CYLD: variants seen among roughly 807,000 people sequenced by gnomAD.
CYLD encodes CYLD lysine 63 deubiquitinase, also known as ubiquitin carboxyl-terminal hydrolase CYLD.
In CYLD, 26 loss-of-function variants were observed where a neutral mutation model predicts 104.5. That is an observed-to-expected ratio of 0.25 (90% CI 0.18 to 0.35). The LOEUF (loss-of-function observed/expected upper bound fraction) is 0.35, where lower values mean the gene tolerates loss of function less well. Among genes scored for constraint, CYLD ranks in the 10% least tolerant of loss-of-function variants. CYLD has a pLI of 1.00. For synonymous variants in CYLD, 385 were observed against 399.9 expected (o/e 0.96, Z 0.45); for missense variants, 703 against 1,136.1 (o/e 0.62, Z 5.48).
rs74868378 is a variant in CYLD at position 50,776,675 on chromosome 16, C to T, written c.1021+398C>T. Among the ~76,000 whole-genome samples the T allele has an allele frequency of 1.2e-3, 178 of 152,246 alleles. 1 individual carries two copies. The highest frequency in any genetic ancestry group is 4.3e-3 in the African/African-American group (177 of 41,554). ...TAACTAGATTTGGTACAAATTAAAT[C>T]CCAAACTGCTAAGCAAAAATTTCTT... On this transcript the variant is annotated intron_variant, in intron 7 of 18. Transcript: ENST00000427738.
At position 50,801,826 on chromosome 16, in the gene CYLD, C is replaced by G. The variant is rs1972482690; in HGVS notation, c.*5318C>G. The G allele has an allele frequency of 4.3e-6, 1 of 233,232 alleles. No homozygotes were observed. Among genetic ancestry groups the G allele is most frequent in the South Asian group, 1.8e-4 (1 of 5,536 alleles). The allele number at this position is 233,232 out of a possible 1,614,324, so 14.4% of individuals were successfully genotyped here. ...GAATACCCCTTCCTATCAGCTCGCT[C>G]TGATTTAGCCTTAATTTTGTTAAAT... On this transcript the variant is annotated 3_prime_UTR_variant, in exon 19 of 19. Coordinates refer to ENST00000427738, the MANE Select transcript of CYLD (RefSeq NM_001378743.1).
At chr16:50,754,223 A>G (rs774772918) in intron 4 of CYLD, 96 bp from the exon 5 acceptor site, 35 of 804,190 alleles carry the variant, frequency 4.4e-5, no homozygotes, top group Admixed American at 1.2e-4. Context: ...ACATTTACCA[A>G]TGTAAAATAT....
intron 2 of CYLD, among the ~76,000 whole-genome samples, chr16:50,744,062 A>G (rs898055448): frequency 6.6e-6 from 1 of 152,182 alleles, no homozygotes; most frequent in Non-Finnish European, 1.5e-5. Context: ...TCGTGTGGGC[A>G]CTGGATAATA....
In CYLD at chr16:50,800,388, C is replaced by T; in HGVS notation, c.*3880C>T. 4.3e-6 allele frequency: 1 copy of T among 233,288 alleles called. No individual in the cohort carries two copies. Among genetic ancestry groups the T allele is most frequent in the Non-Finnish European group, 8.5e-6 (1 of 117,972 alleles). The allele number at this position is 233,288 out of a possible 1,614,324, so 14.5% of individuals were successfully genotyped here. A position where few individuals can be genotyped will look rare whatever the true frequency, so the allele number is the denominator to read the frequency against. On this transcript the variant is annotated 3_prime_UTR_variant, in exon 19 of 19. Coordinates refer to ENST00000427738, the MANE Select transcript of CYLD (RefSeq NM_001378743.1). ...GGTCATGTAACGTTACTGTATTATT[C>T]TACGTAAATGTGGGTACTTGGATGT...
intron 14 of CYLD, among the ~76,000 whole-genome samples, chr16:50,790,507 T>C (rs1418102576): frequency 1.3e-5 from 2 of 152,206 alleles, no homozygotes; most frequent in Non-Finnish European, 2.9e-5. Context: ...CACAGAAAAA[T>C]TCTGGTCTTT....
chr16:50,772,952 A>G (rs1969307247), intron 5 of CYLD, among the ~76,000 whole-genome samples: 1 of 152,206 alleles, frequency 6.6e-6, no homozygotes, highest in Non-Finnish European at 1.5e-5. Context: ...TTTTTCATAT[A>G]CTATTATGGA....
chr16:50,751,540 G>A (rs888478270), intron 3 of CYLD, 64 bp from the exon 4 acceptor site: 8 of 1,455,686 alleles, frequency 5.5e-6, no homozygotes, highest in Non-Finnish European at 7.7e-6. Flanking sequence ...TCCCTAGAGT[G>A]AACCCCTTTT....
At chr16:50,762,277 C>G (rs1439512521) in intron 5 of CYLD, among the ~76,000 whole-genome samples, 1 of 151,586 alleles carries the variant, frequency 6.6e-6, no homozygotes, top group Non-Finnish European at 1.5e-5. Flanking sequence ...TTTGAATTTT[C>G]CTGTTCTATA....
chr16:50,794,638 T>G lies in CYLD; in HGVS notation c.2686+210T>G. The G allele has an allele frequency of 1.7e-6, 1 of 578,972 alleles. No homozygotes were observed. Among genetic ancestry groups the G allele is most frequent in the South Asian group, 1.9e-5 (1 of 51,306 alleles). 35.9% of individuals were successfully genotyped at this position (578,972 alleles called of 1,614,324 possible). A position where few individuals can be genotyped will look rare whatever the true frequency, so the allele number is the denominator to read the frequency against. ...TGCTGTGTTTTTTTTTTTCCTTTTT[T>G]GAGATGGAGTCTCACTCTGTCACCC... On this transcript the variant is annotated intron_variant, in intron 18 of 18. Coordinates refer to ENST00000427738, the MANE Select transcript of CYLD (RefSeq NM_001378743.1). This position sits in a 1 kb window ranked among gnomAD's most constrained non-coding sequence, Gnocchi z 4.1.
Position 50,750,035 on chromosome 16 carries a change from T to C in CYLD, c.337T>C (p.Phe113Leu). The C allele has an allele frequency of 6.2e-7, 1 of 1,614,146 alleles. No individual in the cohort carries two copies. The highest frequency in any genetic ancestry group is 8.5e-7 in the Non-Finnish European group (1 of 1,180,004). ...ITNCEERFSL[F>L]KNRNRLSKGL... ...CAATTGTGAGGAGAGGTTCAGCCTGTTTAAAAACAGAAACAGACTAAGTAA... is the reference window on the plus strand; with the variant it reads ...CAATTGTGAGGAGAGGTTCAGCCTGCTTAAAAACAGAAACAGACTAAGTAA... The change falls in exon 3 of 19, where the codon TTT becomes CTT. Residue 113 changes from phenylalanine (F) to leucine (L), a missense_variant. Coordinates refer to ENST00000427738, the MANE Select transcript of CYLD (RefSeq NM_001378743.1).
chr16:50,776,584 A>G (rs552738868), intron 7 of CYLD, among the ~76,000 whole-genome samples: 20 of 152,318 alleles, frequency 1.3e-4, no homozygotes, highest in Non-Finnish European at 2.1e-4. Context: ...AACTGTGTAA[A>G]ATAATCCTAT....
At chr16:50,753,440 G>T (rs757900260) in intron 4 of CYLD, among the ~76,000 whole-genome samples, 2 of 152,166 alleles carry the variant, frequency 1.3e-5, no homozygotes, top group Non-Finnish European at 2.9e-5. Context: ...TTCAGATGGC[G>T]GTCTGGGGTC....
In CYLD at chr16:50,787,915, A is replaced by T. The variant is rs543849218; in HGVS notation, c.2108+63A>T. 8 of 931,132 alleles carry T rather than the reference A, an allele frequency of 8.6e-6. No homozygotes were observed. In the African/African-American group the frequency reaches 1.3e-4, roughly 15 times the overall value. 57.7% of individuals were successfully genotyped at this position (931,132 alleles called of 1,614,324 possible). A position where few individuals can be genotyped will look rare whatever the true frequency, so the allele number is the denominator to read the frequency against. ...GACAATTCTCATTTCTACTGCCATT[A>T]TTCAACAGACATGATTTCCAGAATG... On this transcript the variant is annotated intron_variant, in intron 14 of 18. Coordinates refer to ENST00000427738, the MANE Select transcript of CYLD (RefSeq NM_001378743.1).
At chr16:50,760,802 TATA>T (rs1967822380) in intron 5 of CYLD, among the ~76,000 whole-genome samples, 1 of 152,148 alleles carries the variant, frequency 6.6e-6, no homozygotes. Context: ...GGAGGATATA[TATA>T]TTCCCAGAAG....
chr16:50,743,413 C>T (rs1965890384), intron 2 of CYLD, among the ~76,000 whole-genome samples: 1 of 152,192 alleles, frequency 6.6e-6, no homozygotes, highest in South Asian at 2.1e-4. Context: ...ATTGAAGTAA[C>T]ACCCAGAACA....
chr16:50,779,115 T>C (rs1055670683), intron 8 of CYLD, among the ~76,000 whole-genome samples: 2 of 152,190 alleles, frequency 1.3e-5, no homozygotes, highest in African/African-American at 4.8e-5. Flanking sequence ...CTCTACTTTT[T>C]TGAGGGTTAT....
chr16:50,780,514 T>C lies in CYLD; in HGVS notation c.1518+470T>C, dbSNP rs368712765. Reference sequence around the variant, plus strand: ...ATTTTGTAATCAGGAAAGGAGAAGTTGAGTATGTTTAGGATTTATTTAGAG... The same window carrying C: ...ATTTTGTAATCAGGAAAGGAGAAGTCGAGTATGTTTAGGATTTATTTAGAG... On this transcript the variant is annotated intron_variant, in intron 9 of 18. Transcript: ENST00000427738. Among the ~76,000 whole-genome samples, 20 of 152,172 alleles carry C rather than the reference T, an allele frequency of 1.3e-4. No homozygotes were observed. The East Asian group carries it at 2.7e-3, about 21-fold the overall frequency.
At chr16:50,742,410 C>A (rs544685278) in intron 1 of CYLD, 14 of 180,602 alleles carry the variant, frequency 7.8e-5, no homozygotes, top group East Asian at 2.6e-4. Context: ...TTTCCCCCCC[C>A]CACCGGGGCT....
At position 50,775,174 on chromosome 16, in the gene CYLD, G is replaced by C; in HGVS notation, c.922G>C (p.Glu308Gln). The change falls in exon 6 of 19, where the codon GAG becomes CAG. Residue 308 changes from glutamate (E) to glutamine (Q), a missense_variant and splice_region_variant. Around this residue, in one of 5 missense-constraint regions of CYLD, gnomAD observed 123 missense variants for 213.3 expected, o/e 0.58. Transcript: ENST00000427738. ...TTTTTGCTGACACACAGCTTTATCA[G>C]GTATGACTCCTAAGTGTCGTGTTGG... ...HINDIIPALS[E>Q]SVTQERRPPK... is the part of the protein sequence containing the mutation. 6.3e-7 allele frequency: 1 copy of C among 1,596,978 alleles called. No individual in the cohort carries two copies.
Sources: gnomAD v4.1 joint callset for allele counts (sites outside exome capture counted in the v4.1 genomes callset) on GRCh38, gnomAD v4.1.1 for gene constraint, gnomAD v4.1.1 regional missense constraint, Gnocchi (gnomAD v3.1) non-coding constraint, MANE v1.5 for transcripts, NCBI Gene and HGNC (gene_info 2026-07-23, HGNC 2026-07-21) for gene names.